FLG2: variants seen among roughly 807,000 people sequenced by gnomAD.
The protein encoded by FLG2 is filaggrin-2.
Under a neutral mutation model 3.9 loss-of-function variants are expected in FLG2, and 7 were observed. The observed-to-expected ratio is 1.79, with a 90% CI of 1.02 to 3.36. The LOEUF (loss-of-function observed/expected upper bound fraction) is 3.36, where lower values mean the gene tolerates loss of function less well. FLG2 is among the 30% of genes most tolerant of loss of function. The pLI is 0.00. For synonymous variants in FLG2, 1,031 were observed against 1,056.1 expected, an observed-to-expected ratio of 0.98 and a Z score of 0.46; for missense variants, 2,700 against 2,809.4, an observed-to-expected ratio of 0.96 and a Z score of 0.88.
Position 152,352,760 on chromosome 1 carries a change from G to A in FLG2, c.5026C>T (p.Gln1676Ter). ...SHTHTGHTHG[Q>*]AGSQHGQSES... ...GACTGTCCATGTTGAGATCCAGCTTGACCATGAGTGTGTCCTGTATGTGTG... is the reference window on the plus strand; with the variant it reads ...GACTGTCCATGTTGAGATCCAGCTTAACCATGAGTGTGTCCTGTATGTGTG... The change falls in exon 3 of 3, where the codon CAA becomes TAA. Residue 1676 changes from glutamine to a stop codon, truncating the protein, a stop_gained. Transcript: ENST00000388718. LOFTEE classifies it low-confidence loss of function (END_TRUNC). The A allele has an allele frequency of 6.2e-7, 1 of 1,613,908 alleles. No homozygotes were observed. The highest frequency in any genetic ancestry group is 8.5e-7 in the Non-Finnish European group (1 of 1,179,992).
At position 152,354,160 on chromosome 1, in the gene FLG2, C is replaced by G. The variant is rs763147409; in HGVS notation, c.3626G>C (p.Gly1209Ala). 1.2e-6 allele frequency: 2 copies of G among 1,614,114 alleles called. No homozygotes were observed. The highest frequency in any genetic ancestry group is 2.7e-5 in the African/African-American group (2 of 74,934). Residue 1209 changes from glycine (G) to alanine (A), a missense_variant, in exon 3 of 3, where the codon GGT (glycine) becomes GCT (alanine). By Grantham distance (60) the Gly-to-Ala change is moderately conservative (BLOSUM62 0). Transcript: ENST00000388718. ...GCCAGTTGATTGACCTGAGCCTGAA[C>G]CATATTGGCCAAATCCAGTGGACTG... is the stretch of plus-strand genomic sequence containing the variant. ...SGQSTGFGQY[G>A]SGSGQSTGLG... is the part of the protein sequence containing the mutation.
Position 152,350,663 on chromosome 1 carries a change from G to A in FLG2, c.7123C>T (p.His2375Tyr). Residue 2375 changes from histidine (H) to tyrosine (Y), a missense_variant, in exon 3 of 3, where the codon CAC (histidine) becomes TAC (tyrosine). By Grantham distance (83) the His-to-Tyr change is moderately conservative. Transcript: ENST00000388718. ...GTGCTGTCTGTTGACCATGAAAGGT[G>A]AGAATTACTGATGCTTTTTCTGCTG... ...GGSRKSISNS[H>Y]LSWSTDSTAN... The A allele has an allele frequency of 6.2e-7, 1 of 1,614,214 alleles. No homozygotes were observed. The highest frequency in any genetic ancestry group is 8.5e-7 in the Non-Finnish European group (1 of 1,180,020).
Position 152,357,544 on chromosome 1 carries a change from A to C in FLG2, c.242T>G (p.Leu81Arg). The stretch of plus-strand genomic sequence containing the variant: ...GAGGACCTTGTTGCAGGCCATAGTC[A>C]GCTTGAATATCATCAAAAGAAACTC... ...FTEFLLMIFK[L>R]TMACNKVLSK... The change falls in exon 3 of 3, where the codon CTG (leucine) becomes CGG (arginine). Residue 81 changes from leucine (L) to arginine (R), a missense_variant. Transcript: ENST00000388718. The C allele has an allele frequency of 6.2e-7, 1 of 1,614,050 alleles. No individual in the cohort carries two copies. Among genetic ancestry groups the C allele is most frequent in the Admixed American group, 1.7e-5 (1 of 60,008 alleles).
Position 152,356,875 on chromosome 1 carries a change from C to T in FLG2, c.911G>A (p.Gly304Glu). 1.2e-6 allele frequency: 2 copies of T among 1,614,216 alleles called. No homozygotes were observed. Among genetic ancestry groups the T allele is most frequent in the Non-Finnish European group, 1.7e-6 (2 of 1,180,046 alleles). Residue 304 changes from glycine (G) to glutamate (E), a missense_variant, in exon 3 of 3, where the codon GGA (glycine) becomes GAA (glutamate). Gly to Glu is a moderately conservative substitution (Grantham distance 98). Transcript: ENST00000388718. The stretch of plus-strand genomic sequence containing the variant: ...ATAGCTAAATTGATTTCCTTGCCCT[C>T]CAAATCTATGTGACTGACAAGAACT... ...ASSSCQSHRF[G>E]GQGNQFSYIQ...
Position 152,353,169 on chromosome 1 carries a change from T to TA in FLG2, c.4616_4617insT (p.Arg1539SerfsTer14). 1 of 1,613,816 alleles carries TA rather than the reference T, an allele frequency of 6.2e-7. No homozygotes were observed. Among genetic ancestry groups the TA allele is most frequent in the Non-Finnish European group, 8.5e-7 (1 of 1,179,940 alleles). On this transcript the variant is annotated frameshift_variant, in exon 3 of 3. Coordinates refer to ENST00000388718, the MANE Select transcript of FLG2 (RefSeq NM_001014342.3). LOFTEE classifies it low-confidence loss of function (END_TRUNC). The stretch of plus-strand genomic sequence containing the variant: ...CTGTCTGTCCATGAGTAATTCTGTG[T>TA]CTGTCATGAATTATGGATTCTGACT...
chr1:152,354,223 TTGTC>T lies in FLG2; in HGVS notation c.3559_3562del (p.Asp1187IlefsTer39). ...TATATGTTGTCCAGAACTAGAGAAA[TTGTC>T]TGAGCCAGACACATGCTGTCCAAAA... is the stretch of plus-strand genomic sequence containing the variant. On this transcript the variant is annotated frameshift_variant, in exon 3 of 3. Coordinates refer to ENST00000388718, the MANE Select transcript of FLG2 (RefSeq NM_001014342.3). LOFTEE classifies it low-confidence loss of function (END_TRUNC). 1 of 1,614,084 alleles carries T rather than the reference TTGTC, an allele frequency of 6.2e-7. No homozygotes were observed. The highest frequency in any genetic ancestry group is 8.5e-7 in the Non-Finnish European group (1 of 1,179,990).
chr1:152,357,325 C>T lies in FLG2; in HGVS notation c.461G>A (p.Arg154Lys). The change falls in exon 3 of 3, where the codon AGA (arginine) becomes AAA (lysine). Residue 154 changes from arginine (R) to lysine (K), a missense_variant. By Grantham distance (26) the Arg-to-Lys change is conservative. Transcript: ENST00000388718. ...TAGCCTCCTGGAGTTGGACCCATGTCTACATTTCACAGTTCCCCTTGAGTG... is the reference window on the plus strand; with the variant it reads ...TAGCCTCCTGGAGTTGGACCCATGTTTACATTTCACAGTTCCCCTTGAGTG... ...SGHSRGTVKC[R>K]HGSNSRRLGR... is the part of the protein sequence containing the mutation. 1 of 1,614,170 alleles carries T rather than the reference C, an allele frequency of 6.2e-7. No individual in the cohort carries two copies. Among genetic ancestry groups the T allele is most frequent in the East Asian group, 2.2e-5 (1 of 44,872 alleles).
Position 152,357,242 on chromosome 1 carries a change from G to T in FLG2, c.544C>A (p.His182Asn), listed in dbSNP as rs756638954. 1.4e-5 allele frequency: 23 copies of T among 1,614,116 alleles called. 1 individual carries two copies. In the Admixed American group the frequency reaches 3.8e-4, roughly 27 times the overall value. Residue 182 changes from histidine to asparagine, a missense_variant, in exon 3 of 3, where the codon CAC (histidine) becomes AAC (asparagine). By Grantham distance (68) the His-to-Asn change is moderately conservative. Coordinates refer to ENST00000388718, the MANE Select transcript of FLG2 (RefSeq NM_001014342.3). ...GNQEGSQKRY[H>N]RSSCGHSWSG... ...CATGAATGACCACAGCTGGACCTGT[G>T]GTATCTTTTCTGAGATCCCTCTTGG...
In FLG2 at chr1:152,354,334, G is replaced by C; in HGVS notation, c.3452C>G (p.Ser1151Cys). Residue 1151 changes from serine to cysteine, a missense_variant, in exon 3 of 3, where the codon TCT (serine) becomes TGT (cysteine). Ser to Cys is a moderately radical substitution (Grantham distance 112, BLOSUM62 -1). Transcript: ENST00000388718. ...FAQHEYRSGQ[S>C]SYGQHGTGSS... ...GCCAGTACCATGTTGGCCATAGCTAGACTGACCTGATCTGTACTCATGCTG... is the reference window on the plus strand; with the variant it reads ...GCCAGTACCATGTTGGCCATAGCTACACTGACCTGATCTGTACTCATGCTG... 6.2e-7 allele frequency: 1 copy of C among 1,614,226 alleles called. No individual in the cohort carries two copies. The highest frequency in any genetic ancestry group is 8.5e-7 in the Non-Finnish European group (1 of 1,180,048).
chr1:152,351,640 T>A lies in FLG2; in HGVS notation c.6146A>T (p.His2049Leu), dbSNP rs778573179. ...HSGVSHTHSG[H>L]AHGQAGSQHG... Reference sequence around the variant, plus strand: ...TTGAGATCCGGCTTGGCCATGAGCGTGTCCTGAATGTGTGTGTGAGACCCC... The same window carrying A: ...TTGAGATCCGGCTTGGCCATGAGCGAGTCCTGAATGTGTGTGTGAGACCCC... Residue 2049 changes from histidine (H) to leucine (L), a missense_variant, in exon 3 of 3, where the codon CAC (histidine) becomes CTC (leucine). By Grantham distance (99) the His-to-Leu change is moderately conservative. Coordinates refer to ENST00000388718, the MANE Select transcript of FLG2 (RefSeq NM_001014342.3). 6.2e-7 allele frequency: 1 copy of A among 1,611,228 alleles called. No homozygotes were observed. The highest frequency in any genetic ancestry group is 2.3e-5 in the East Asian group (1 of 44,312).
At position 152,355,878 on chromosome 1, in the gene FLG2, A is replaced by G; in HGVS notation, c.1908T>C (p.Ser636=). Residue 636 remains serine (S), a synonymous_variant, in exon 3 of 3, where the codon TCT becomes TCC. Transcript: ENST00000388718. ...SQSSGYGQHG[S]RQTSGFGQHG... is the part of the protein sequence containing the mutation. ...GTTGTCCAAAGCCAGATGTCTGTCT[A>G]GACCCATGTTGGCCATAGCCAGATG... is the stretch of plus-strand genomic sequence containing the variant. The G allele has an allele frequency of 6.2e-7, 1 of 1,609,146 alleles. No individual in the cohort carries two copies. Among genetic ancestry groups the G allele is most frequent in the South Asian group, 1.1e-5 (1 of 90,700 alleles).
Position 152,351,987 on chromosome 1 carries a change from G to T in FLG2, c.5799C>A (p.Gly1933=). The T allele has an allele frequency of 6.2e-7, 1 of 1,612,718 alleles. No homozygotes were observed. ...HGQTGDTTEH[G]HPSHGQTIQT... ...GTATGGTTTGTCCATGACTAGGGTG[G>T]CCATGTTCAGTGGTATCTCCTGTCT... The change falls in exon 3 of 3, where the codon GGC becomes GGA. Residue 1933 remains glycine, a synonymous_variant. Transcript: ENST00000388718.
rs201174892 is a variant in FLG2 at position 152,351,737 on chromosome 1, G to C, written c.6049C>G (p.Gln2017Glu). ...HGHSGHGQST[Q>E]RGSRTTGRRA... The stretch of plus-strand genomic sequence containing the variant: ...CTTCCAGTTGTCCTGGACCCTCTCT[G>C]TGTGGACTGTCCATGACCAGAGTGG... The change falls in exon 3 of 3, where the codon CAG becomes GAG. Residue 2017 changes from glutamine (Q) to glutamate (E), a missense_variant. Physicochemically the swap from Gln to Glu is conservative, Grantham distance 29. Coordinates refer to ENST00000388718, the MANE Select transcript of FLG2 (RefSeq NM_001014342.3). The C allele has an allele frequency of 1.2e-5, 19 of 1,610,372 alleles. No homozygotes were observed. In the African/African-American group the frequency reaches 2.6e-4, roughly 22 times the overall value.
chr1:152,351,037 C>T lies in FLG2; in HGVS notation c.6749G>A (p.Arg2250Lys). Reference sequence around the variant, plus strand: ...GGACTCACTGTGGCCAGATCCCCTTCTTCCAGTTGTCCTGGACCCTCTCTG... The same window carrying T: ...GGACTCACTGTGGCCAGATCCCCTTTTTCCAGTTGTCCTGGACCCTCTCTG... ...STQRGSRTTG[R>K]RGSGHSESSD... The change falls in exon 3 of 3, where the codon AGA (arginine) becomes AAA (lysine). Residue 2250 changes from arginine (R) to lysine (K), a missense_variant. By Grantham distance (26) the Arg-to-Lys change is conservative. Transcript: ENST00000388718. 2 of 1,612,268 alleles carry T rather than the reference C, an allele frequency of 1.2e-6. No homozygotes were observed. Among genetic ancestry groups the T allele is most frequent in the South Asian group, 2.2e-5 (2 of 90,958 alleles).
Position 152,357,196 on chromosome 1 carries a change from T to A in FLG2, c.590A>T (p.His197Leu). The A allele has an allele frequency of 6.2e-7, 1 of 1,614,202 alleles. No homozygotes were observed. Among genetic ancestry groups the A allele is most frequent in the Non-Finnish European group, 8.5e-7 (1 of 1,180,022 alleles). ...GHSWSGGKDRHGSSSVELRER... is the reference protein window; with the variant it reads ...GHSWSGGKDRLGSSSVELRER... ...TCTCAGTTCTACAGAGCTGGAACCA[T>A]GTCTGTCTTTGCCACCACTCCATGA... Residue 197 changes from histidine to leucine, a missense_variant, in exon 3 of 3, where the codon CAT becomes CTT. His to Leu is a moderately conservative substitution (Grantham distance 99, BLOSUM62 -3). Coordinates refer to ENST00000388718, the MANE Select transcript of FLG2 (RefSeq NM_001014342.3).
Position 152,357,134 on chromosome 1 carries a change from C to A in FLG2, c.652G>T (p.Glu218Ter). ...CCAGATTCATACTCCTCCCCAGATTCCCTAGAAGGGCTAATGTGTGACTTG... is the reference window on the plus strand; with the variant it reads ...CCAGATTCATACTCCTCCCCAGATTACCTAGAAGGGCTAATGTGTGACTTG... ...INKSHISPSR[E>*]SGEEYESGSG... Residue 218 changes from glutamate (E) to a stop codon, truncating the protein, a stop_gained, in exon 3 of 3, where the codon GAA becomes TAA. Transcript: ENST00000388718. LOFTEE classifies it low-confidence loss of function (END_TRUNC). 6.2e-7 allele frequency: 1 copy of A among 1,614,160 alleles called. No individual in the cohort carries two copies. The highest frequency in any genetic ancestry group is 8.5e-7 in the Non-Finnish European group (1 of 1,180,016).
In FLG2 at chr1:152,350,780, G is replaced by T; in HGVS notation, c.7006C>A (p.Gln2336Lys). Reference protein sequence around the residue: ...SHFQSHSSERQRHGSSQVWKH... With the variant: ...SHFQSHSSERKRHGSSQVWKH... ...CAAACCTGACTTGATCCATGCCTTT[G>T]CCTTTCACTACTATGTGACTGAAAA... is the stretch of plus-strand genomic sequence containing the variant. The change falls in exon 3 of 3, where the codon CAA (glutamine) becomes AAA (lysine). Residue 2336 changes from glutamine to lysine, a missense_variant. By Grantham distance (53) the Gln-to-Lys change is moderately conservative (BLOSUM62 1). Coordinates refer to ENST00000388718, the MANE Select transcript of FLG2 (RefSeq NM_001014342.3). 1.9e-6 allele frequency: 3 copies of T among 1,614,166 alleles called. No individual in the cohort carries two copies. The highest frequency in any genetic ancestry group is 2.5e-6 in the Non-Finnish European group (3 of 1,180,036).
Position 152,352,733 on chromosome 1 carries a change from C to T in FLG2, c.5053G>A (p.Glu1685Lys). 6.2e-7 allele frequency: 1 copy of T among 1,613,874 alleles called. No homozygotes were observed. The highest frequency in any genetic ancestry group is 8.5e-7 in the Non-Finnish European group (1 of 1,179,960). ...GQAGSQHGQS[E>K]SIVPERHGTT... Reference sequence around the variant, plus strand: ...CCATGTCTCTCAGGAACTATGGATTCTGACTGTCCATGTTGAGATCCAGCT... The same window carrying T: ...CCATGTCTCTCAGGAACTATGGATTTTGACTGTCCATGTTGAGATCCAGCT... Residue 1685 changes from glutamate (E) to lysine (K), a missense_variant, in exon 3 of 3, where the codon GAA becomes AAA. By Grantham distance (56) the Glu-to-Lys change is moderately conservative (BLOSUM62 1). Coordinates refer to ENST00000388718, the MANE Select transcript of FLG2 (RefSeq NM_001014342.3).
chr1:152,355,648 G>T lies in FLG2; in HGVS notation c.2138C>A (p.Ser713Ter), dbSNP rs1654189056. ...SSGYGQHGSS[S>*]GQTSGFGQHE... ...TTGTCCAAATCCAGATGTCTGTCCT[G>T]AACTTGACCCATGTTGACCATAGCC... Residue 713 changes from serine (S) to a stop codon, truncating the protein, a stop_gained, in exon 3 of 3, where the codon TCA becomes TAA. Coordinates refer to ENST00000388718, the MANE Select transcript of FLG2 (RefSeq NM_001014342.3). LOFTEE classifies it low-confidence loss of function (END_TRUNC). 1.9e-6 allele frequency: 3 copies of T among 1,612,568 alleles called. No individual in the cohort carries two copies. The highest frequency in any genetic ancestry group is 2.5e-6 in the Non-Finnish European group (3 of 1,179,784).
Sources: allele counts gnomAD v4.1 joint callset, GRCh38; gene constraint gnomAD v4.1.1; transcripts MANE v1.5; gene names NCBI Gene and HGNC (gene_info 2026-07-23, HGNC 2026-07-21).